The following ARHGEF4 variants were observed in gnomAD, a reference collection of about 807,000 sequenced individuals.
ARHGEF4 encodes Rho guanine nucleotide exchange factor 4.
A neutral mutation model predicts 162.0 loss-of-function variants in ARHGEF4; 119 were observed. The ratio of observed to expected loss-of-function variants is 0.73; its 90% CI spans 0.63 to 0.86. The LOEUF (loss-of-function observed/expected upper bound fraction) is 0.86. ARHGEF4 is among the 40% of genes least tolerant of loss of function. The pLI is 0.00. For missense variants in ARHGEF4, 2,488 were observed against 2,456.0 expected (o/e 1.01, Z -0.28); for synonymous variants, 1,014 against 979.9 (o/e 1.03, Z -0.65).
intron 1 of ARHGEF4, among the ~76,000 whole-genome samples, chr2:130,910,786 C>G (rs116267440): frequency 6.7e-4 from 102 of 152,302 alleles, no homozygotes; most frequent in African/African-American, 2.4e-3. Context: ...ACACAGATGA[C>G]TCTTTGATGA....
intron 1 of ARHGEF4, among the ~76,000 whole-genome samples, chr2:130,895,063 A>G (rs2104999120): frequency 6.6e-6 from 1 of 152,334 alleles, no homozygotes; most frequent in South Asian, 2.1e-4. Flanking sequence ...TATTATTTAA[A>G]AAAGCCCTTG....
chr2:130,887,390 TGAG>T (rs1231028367), intron 1 of ARHGEF4, among the ~76,000 whole-genome samples: 2 of 152,002 alleles, frequency 1.3e-5, no homozygotes, highest in Non-Finnish European at 2.9e-5. Flanking sequence ...AGATCAGATA[TGAG>T]GAGAACTGGC....
chr2:130,837,475 G>A (rs370828425), intron 1 of ARHGEF4: 2 of 349,972 alleles, frequency 5.7e-6, no homozygotes, highest in Non-Finnish European at 1.1e-5. Context: ...CTGAGAGTAC[G>A]CGAGGGCGCA....
intron 6 of ARHGEF4, chr2:131,039,698 G>A: frequency 1.6e-6 from 2 of 1,261,224 alleles, no homozygotes; most frequent in Non-Finnish European, 2.0e-6. Flanking sequence ...CTGCCCGCTG[G>A]GGCTGGCAGG....
chr2:131,013,278 A>G (rs1188225568), intron 4 of ARHGEF4, among the ~76,000 whole-genome samples: 2 of 152,212 alleles, frequency 1.3e-5, no homozygotes, highest in Admixed American at 1.3e-4. Context: ...GCATTTCTTT[A>G]AAATAATATG....
In ARHGEF4 at chr2:130,917,016, A is replaced by T; in HGVS notation, c.3070A>T (p.Arg1024Trp). ...SSSLVSPEHR[R>W]KSEPTIKCTA... ...CAGTTTAGTTTCTCCAGAACACAGG[A>T]GGAAAAGTGAACCGACCATCAAGTG... Residue 1024 changes from arginine (R) to tryptophan (W), a missense_variant, in exon 2 of 14, where the codon AGG (arginine) becomes TGG (tryptophan). This residue lies in a region of ARHGEF4 where 1,642 missense variants were observed against 1,481.5 expected (regional missense o/e 1.11). Coordinates refer to ENST00000409359, the MANE Select transcript of ARHGEF4 (RefSeq NM_001367493.1). 1 of 1,550,932 alleles carries T rather than the reference A, an allele frequency of 6.4e-7. No individual in the cohort carries two copies. Among genetic ancestry groups the T allele is most frequent in the Non-Finnish European group, 8.7e-7 (1 of 1,147,066 alleles).
intron 4 of ARHGEF4, among the ~76,000 whole-genome samples, chr2:130,976,752 C>T (rs1409600469): frequency 6.6e-6 from 1 of 152,192 alleles, no homozygotes; most frequent in Non-Finnish European, 1.5e-5. Context: ...TGCTGGCTCC[C>T]GCAGAAGAGG....
rs1559036588 is a variant in ARHGEF4, at chr2:130,915,646, C to CA, written c.1701dup (p.Ala568SerfsTer35). On this transcript the variant is annotated frameshift_variant, in exon 2 of 14. Coordinates refer to ENST00000409359, the MANE Select transcript of ARHGEF4 (RefSeq NM_001367493.1). LOFTEE classifies it high-confidence loss of function. ...TCAAGCGCAATAGACACTTCAAAGG[C>CA]AGCCGAAGAAGCCATGGTTCTAGAC... The CA allele has an allele frequency of 6.4e-7, 1 of 1,550,474 alleles. No individual in the cohort carries two copies. Among genetic ancestry groups the CA allele is most frequent in the Non-Finnish European group, 8.7e-7 (1 of 1,146,988 alleles).
chr2:131,036,857 A>G (rs73960397), intron 5 of ARHGEF4, among the ~76,000 whole-genome samples: 27,153 of 152,128 alleles, frequency 0.18, 3,740 homozygotes, highest in African/African-American at 0.38. Flanking sequence ...GTGTCCCCAG[A>G]CCGCCATGTC....
At chr2:131,028,127 G>C in intron 5 of ARHGEF4, 43 bp downstream of exon 5, 1 of 1,606,918 alleles carries the variant, frequency 6.2e-7, no homozygotes, top group South Asian at 1.1e-5. Context: ...ACAGGCTGGG[G>C]CTACAGGCTA....
rs1350671393 is a variant in ARHGEF4, at chr2:130,915,379, T to C, written c.1433T>C (p.Leu478Pro). 6.4e-7 allele frequency: 1 copy of C among 1,550,552 alleles called. No homozygotes were observed. Among genetic ancestry groups the C allele is most frequent in the Non-Finnish European group, 8.7e-7 (1 of 1,146,984 alleles). ...ACCCAGGAACCCCAAGGCACCCAAC[T>C]CGCACCAAGAGCTGCTGATGAGAGA... ...SRTQEPQGTQLAPRAADERET... is the reference protein window; with the variant it reads ...SRTQEPQGTQPAPRAADERET... The change falls in exon 2 of 14, where the codon CTC becomes CCC. Residue 478 changes from leucine to proline, a missense_variant. Physicochemically the swap from Leu to Pro is moderately conservative, Grantham distance 98. Coordinates refer to ENST00000409359, the MANE Select transcript of ARHGEF4 (RefSeq NM_001367493.1).
At chr2:130,992,718 G>A (rs997879885) in intron 4 of ARHGEF4, among the ~76,000 whole-genome samples, 5 of 152,200 alleles carry the variant, frequency 3.3e-5, no homozygotes, top group African/African-American at 1.2e-4. Flanking sequence ...TGCAAGCCAG[G>A]AGAGAATGCA....
chr2:130,922,489 A>G (rs1299489023), intron 2 of ARHGEF4, among the ~76,000 whole-genome samples: 2 of 152,194 alleles, frequency 1.3e-5, no homozygotes, highest in African/African-American at 4.8e-5. Flanking sequence ...TTTTTTAAAG[A>G]AAAAAAGGAG....
chr2:130,924,888 A>G (rs896887111), intron 2 of ARHGEF4, among the ~76,000 whole-genome samples: 2 of 152,150 alleles, frequency 1.3e-5, no homozygotes, highest in East Asian at 3.9e-4. Flanking sequence ...CTTGTCTATC[A>G]AGGATTGGAC....
At chr2:130,852,635 C>T (rs1268548810) in intron 1 of ARHGEF4, among the ~76,000 whole-genome samples, 1 of 152,164 alleles carries the variant, frequency 6.6e-6, no homozygotes, top group African/African-American at 2.4e-5. Context: ...CGGAGGCGAG[C>T]GAGCACGATG....
chr2:131,039,948 T>C, intron 6 of ARHGEF4, 68 bp from the exon 7 acceptor site: 1 of 1,520,732 alleles, frequency 6.6e-7, no homozygotes, highest in Non-Finnish European at 8.8e-7. Flanking sequence ...TTCCCGCCGC[T>C]GCGGCGCAGG....
chr2:130,847,634 T>C (rs1459227956), intron 1 of ARHGEF4, among the ~76,000 whole-genome samples: 4 of 152,192 alleles, frequency 2.6e-5, no homozygotes, highest in Non-Finnish European at 5.9e-5. Flanking sequence ...AACGCTTGGC[T>C]CCGAGGGCCT....
intron 1 of ARHGEF4, among the ~76,000 whole-genome samples, chr2:130,881,892 C>A (rs1679214243): frequency 6.6e-6 from 1 of 151,956 alleles, no homozygotes; most frequent in Non-Finnish European, 1.5e-5. Context: ...GGTTGGAGGC[C>A]CACGCCAAGC....
At chr2:130,839,621 C>T (rs1177006441) in intron 1 of ARHGEF4, among the ~76,000 whole-genome samples, 1 of 152,162 alleles carries the variant, frequency 6.6e-6, no homozygotes, top group Non-Finnish European at 1.5e-5. Context: ...CTGCCAGGGG[C>T]CCACACAGGT....
Sources: allele counts gnomAD v4.1 joint callset (sites outside exome capture counted in the v4.1 genomes callset), GRCh38; gene constraint gnomAD v4.1.1; regional missense constraint gnomAD v4.1.1; transcripts MANE v1.5; gene names NCBI Gene and HGNC (gene_info 2026-07-23, HGNC 2026-07-21).